KDM5B: variants seen among roughly 807,000 people sequenced by gnomAD.
The protein encoded by KDM5B is lysine demethylase 5B.
A neutral mutation model predicts 193.4 loss-of-function variants in KDM5B; 144 were observed. The observed-to-expected ratio is 0.74, with a 90% CI of 0.65 to 0.86. KDM5B has a LOEUF of 0.86. KDM5B is among the 40% of genes least tolerant of loss of function. KDM5B has a pLI of 0.00. For missense variants in KDM5B, 1,833 were observed against 1,886.9 expected, an observed-to-expected ratio of 0.97 and a Z score of 0.53; for synonymous variants, 668 against 682.6, an observed-to-expected ratio of 0.98 and a Z score of 0.33.
chr1:202,730,362 A>G (rs1272434055), intron 25 of KDM5B, among the ~76,000 whole-genome samples: 3 of 152,222 alleles, frequency 2.0e-5, no homozygotes, highest in Non-Finnish European at 4.4e-5. Flanking sequence ...CTGAATGACT[A>G]ACTACTATAA....
intron 22 of KDM5B, among the ~76,000 whole-genome samples, chr1:202,734,860 A>G (rs1655036635): frequency 6.6e-6 from 1 of 152,244 alleles, no homozygotes; most frequent in Admixed American, 6.5e-5. Context: ...AGTAGCAGGT[A>G]TACATTCCCA....
In KDM5B at chr1:202,755,055, T is replaced by C. The variant is rs376773490; in HGVS notation, c.1538+216A>G. Among the ~76,000 whole-genome samples the C allele has an allele frequency of 1.1e-4, 17 of 152,328 alleles. 1 individual carries two copies. The highest frequency in any genetic ancestry group is 6.5e-4 in the Admixed American group (10 of 15,302). Reference sequence around the variant, plus strand: ...GAATTACGTTGTTCTTGCAAAGTAGTGTGTGTGCAATTTCAGGGAATTCAT... The same window carrying C: ...GAATTACGTTGTTCTTGCAAAGTAGCGTGTGTGCAATTTCAGGGAATTCAT... On this transcript the variant is annotated intron_variant, in intron 11 of 26. Coordinates refer to ENST00000367265, the MANE Select transcript of KDM5B (RefSeq NM_006618.5).
At chr1:202,760,713 T>G in intron 7 of KDM5B, 140 bp from the exon 8 acceptor site, 1 of 505,704 alleles carries the variant, frequency 2.0e-6, no homozygotes. Context: ...ATAAGGGATA[T>G]TTTAAATAAA....
At chr1:202,797,559 T>C (rs1432189113) in intron 1 of KDM5B, among the ~76,000 whole-genome samples, 1 of 152,208 alleles carries the variant, frequency 6.6e-6, no homozygotes, top group African/African-American at 2.4e-5. Flanking sequence ...AGGTAAACAT[T>C]TTTCCTGCCA....
rs539226687 is a variant in KDM5B, at chr1:202,725,484, G to A, written c.*3552C>T. On this transcript the variant is annotated 3_prime_UTR_variant, in exon 27 of 27. Coordinates refer to ENST00000367265, the MANE Select transcript of KDM5B (RefSeq NM_006618.5). Reference sequence around the variant, plus strand: ...AAATAGCCACATGCAAAGGATTGATGACAGAGGGGCAAAGAGGGCGAAGCC... The same window carrying A: ...AAATAGCCACATGCAAAGGATTGATAACAGAGGGGCAAAGAGGGCGAAGCC... 1.3e-5 allele frequency: 2 copies of A among 152,344 alleles called. No individual in the cohort carries two copies. The highest frequency in any genetic ancestry group is 3.9e-4 in the East Asian group (2 of 5,188). 9.4% of individuals were successfully genotyped at this position (152,344 alleles called of 1,614,324 possible).
rs563023578 is a variant in KDM5B, at chr1:202,792,952, G to A, written c.204+15150C>T. ...GCAGAGGTTGCAGTGAGCCAAGACC[G>A]TGCCATTGCACTCCAACTCCAGCCT... On this transcript the variant is annotated intron_variant, in intron 1 of 26. Transcript: ENST00000367265. Among the ~76,000 whole-genome samples, 183 of 150,788 alleles carry A rather than the reference G, an allele frequency of 1.2e-3. 2 individuals are homozygous for A. The highest frequency in any genetic ancestry group is 2.9e-4 in the Non-Finnish European group (20 of 67,888).
intron 1 of KDM5B, among the ~76,000 whole-genome samples, chr1:202,794,384 C>G (rs1657755408): frequency 6.6e-6 from 1 of 152,118 alleles, no homozygotes; most frequent in African/African-American, 2.4e-5. Context: ...AGTATGTATG[C>G]CCCATAAGAA....
chr1:202,769,194 A>C (rs12022505), intron 4 of KDM5B, among the ~76,000 whole-genome samples: 1 of 149,462 alleles, frequency 6.7e-6, no homozygotes, highest in Admixed American at 6.6e-5. Context: ...CTGCCACCAC[A>C]CCCAGCTATT....
At chr1:202,732,139 C>CTTTA in intron 23 of KDM5B, 200 bp from the exon 24 acceptor site, 1 of 523,992 alleles carries the variant, frequency 1.9e-6, no homozygotes, top group Non-Finnish European at 3.3e-6. Flanking sequence ...AAGACCAAGC[C>CTTTA]TTTAATCTTT....
At chr1:202,795,173 A>G (rs190337230) in intron 1 of KDM5B, among the ~76,000 whole-genome samples, 100 of 152,194 alleles carry the variant, frequency 6.6e-4, no homozygotes, top group African/African-American at 2.4e-3. Flanking sequence ...GAGACACACT[A>G]CTGCACTCCA....
intron 5 of KDM5B, among the ~76,000 whole-genome samples, chr1:202,765,062 C>T (rs980979683): frequency 2.6e-5 from 4 of 152,172 alleles, no homozygotes; most frequent in African/African-American, 9.7e-5. Context: ...TATCTATTTG[C>T]TTTATGCTTT....
At chr1:202,755,101 G>T (rs1572729396) in intron 11 of KDM5B, among the ~76,000 whole-genome samples, 170 bp downstream of exon 11, 1 of 152,198 alleles carries the variant, frequency 6.6e-6, no homozygotes, top group East Asian at 1.9e-4. Flanking sequence ...GGAATCTTAA[G>T]AACCACTGTC....
chr1:202,779,285 A>G lies in KDM5B; in HGVS notation c.205-2191T>C, dbSNP rs372095046. ...CCTGTAATCACATCACTTTGGGAGG[A>G]TCATGAGGTCAGGAGATCAAGACCA... On this transcript the variant is annotated intron_variant, in intron 1 of 26. Transcript: ENST00000367265. 5.9e-5 allele frequency among the ~76,000 whole-genome samples: 9 copies of G among 151,808 alleles called. No individual in the cohort carries two copies. The East Asian group carries it at 1.6e-3, about 26-fold the overall frequency.
chr1:202,784,555 C>G (rs1315727783), intron 1 of KDM5B, among the ~76,000 whole-genome samples: 4 of 152,182 alleles, frequency 2.6e-5, no homozygotes, highest in Admixed American at 2.6e-4. Flanking sequence ...TGAATGGTTT[C>G]AGGTCAGTAA....
chr1:202,808,140 C>T lies in KDM5B; in HGVS notation c.166G>A (p.Ala56Thr). 1 of 1,613,008 alleles carries T rather than the reference C, an allele frequency of 6.2e-7. No homozygotes were observed. The highest frequency in any genetic ancestry group is 8.5e-7 in the Non-Finnish European group (1 of 1,179,526). The change falls in exon 1 of 27, where the codon GCC becomes ACC. Residue 56 changes from alanine (A) to threonine (T), a missense_variant. Transcript: ENST00000367265. ...ACCTTACAGATGCCAGTCTGCTCGG[C>T]TATGGGCCGGATCTTGTGGATGAAA... ...FAFIHKIRPIAEQTGICKVRP... is the reference protein window; with the variant it reads ...FAFIHKIRPITEQTGICKVRP...
chr1:202,800,485 T>C (rs1318379659), intron 1 of KDM5B, among the ~76,000 whole-genome samples: 2 of 152,106 alleles, frequency 1.3e-5, no homozygotes, highest in African/African-American at 2.4e-5. Flanking sequence ...GGACTACAGG[T>C]GCACGTCACC....
chr1:202,757,471 C>A (rs1434782109), intron 9 of KDM5B, among the ~76,000 whole-genome samples: 1 of 152,176 alleles, frequency 6.6e-6, no homozygotes, highest in Non-Finnish European at 1.5e-5. Context: ...CCCTCAATGT[C>A]CTCATCTAAT....
chr1:202,805,173 T>C (rs926249333), intron 1 of KDM5B, among the ~76,000 whole-genome samples: 5 of 152,170 alleles, frequency 3.3e-5, no homozygotes, highest in Admixed American at 6.5e-5. Flanking sequence ...GCCAGATGAA[T>C]TGTAAATTTA....
chr1:202,795,202 G>A (rs1369222559), intron 1 of KDM5B, among the ~76,000 whole-genome samples: 2 of 152,024 alleles, frequency 1.3e-5, no homozygotes, highest in Non-Finnish European at 2.9e-5. Flanking sequence ...GACAGAGTAA[G>A]TCTCTGTCTC....
Sources: allele counts gnomAD v4.1 joint callset (sites outside exome capture counted in the v4.1 genomes callset), GRCh38; gene constraint gnomAD v4.1.1; transcripts MANE v1.5; gene names NCBI Gene and HGNC (gene_info 2026-07-23, HGNC 2026-07-21).